Variants in UBIAD1 observed in about 807,000 individuals in gnomAD.
UBIAD1 encodes ubiA prenyltransferase domain-containing protein 1.
Under a neutral mutation model 20.1 loss-of-function variants are expected in UBIAD1, and 12 were observed. That is an observed-to-expected ratio of 0.60 (90% CI 0.38 to 0.97). The LOEUF (loss-of-function observed/expected upper bound fraction) is 0.97. Among genes scored for constraint, UBIAD1 ranks in the 50% least tolerant of loss-of-function variants. The pLI, the probability that UBIAD1 is intolerant of heterozygous loss-of-function variation, is 0.00. For missense variants in UBIAD1, 333 were observed against 419.5 expected (o/e 0.79, Z 1.80); for synonymous variants, 207 against 189.2 (o/e 1.09, Z -0.77).
downstream of UBIAD1, among the ~76,000 whole-genome samples, chr1:11,296,340 A>AC (rs1187503209): frequency 1.3e-5 from 2 of 151,774 alleles, no homozygotes; most frequent in Non-Finnish European, 2.9e-5. Flanking sequence ...TCGATCACTC[A>AC]CCCCCGGGAT....
rs1638288243 is a variant in UBIAD1, at chr1:11,287,228, A to G, written c.*1097A>G. Reference sequence around the variant, plus strand: ...TCTTGAGCTCTGTTCAGCCAGAGTGATGGGCCCTGCCAGTTAAGGGGCTGT... The same window carrying G: ...TCTTGAGCTCTGTTCAGCCAGAGTGGTGGGCCCTGCCAGTTAAGGGGCTGT... On this transcript the variant is annotated 3_prime_UTR_variant, in exon 2 of 2. Coordinates refer to ENST00000376810, the MANE Select transcript of UBIAD1 (RefSeq NM_013319.3). 1.3e-5 allele frequency: 2 copies of G among 152,280 alleles called. No individual in the cohort carries two copies. Among genetic ancestry groups the G allele is most frequent in the African/African-American group, 4.8e-5 (2 of 41,468 alleles). The allele number at this position is 152,280 out of a possible 1,614,324, so 9.4% of individuals were successfully genotyped here.
At chr1:11,280,733 C>T (rs1261897438) in intron 1 of UBIAD1, among the ~76,000 whole-genome samples, 1 of 152,120 alleles carries the variant, frequency 6.6e-6, no homozygotes, top group African/African-American at 2.4e-5. Context: ...AGGATCTGAC[C>T]ACTTCTTACC....
In UBIAD1 at chr1:11,273,978, C is replaced by G; in HGVS notation, c.447C>G (p.Leu149=). 6.2e-7 allele frequency: 1 copy of G among 1,614,222 alleles called. No individual in the cohort carries two copies. Among genetic ancestry groups the G allele is most frequent in the South Asian group, 1.1e-5 (1 of 91,086 alleles). Residue 149 remains leucine (L), a synonymous_variant, in exon 1 of 2, where the codon CTC becomes CTG. Coordinates refer to ENST00000376810, the MANE Select transcript of UBIAD1 (RefSeq NM_013319.3). This position sits in a 1 kb window ranked among gnomAD's most constrained non-coding sequence, Gnocchi z 4.9. ...YTLGCVCAAC[L]YYLSPLKLEH... ...TGGGCTGCGTCTGTGCCGCTTGCCT[C>G]TACTACCTGTCCCCTCTGAAACTGG...
intron 1 of UBIAD1, among the ~76,000 whole-genome samples, chr1:11,280,609 T>C (rs1652209956): frequency 6.6e-6 from 1 of 152,226 alleles, no homozygotes; most frequent in Non-Finnish European, 1.5e-5. Context: ...TTTTGCTCAA[T>C]GGCAGCTTCA....
chr1:11,296,037 T>A (rs927630283), downstream of UBIAD1: 3 of 152,182 alleles, frequency 2.0e-5, no homozygotes, highest in African/African-American at 4.8e-5. Context: ...CATGCCCCAT[T>A]GTTCCAGACT....
chr1:11,273,636 T>C lies in UBIAD1; in HGVS notation c.105T>C (p.Asp35=). The C allele has an allele frequency of 6.2e-7, 1 of 1,614,104 alleles. No individual in the cohort carries two copies. Among genetic ancestry groups the C allele is most frequent in the Non-Finnish European group, 8.5e-7 (1 of 1,180,034 alleles). ...TGGGGAACGACTGTCCCGAGCAAGA[T>C]AGGCTCCCCCAGCGCTCCTGGAGGC... The part of the protein sequence containing the change: ...DPLGNDCPEQ[D]RLPQRSWRQK... Residue 35 remains aspartate, a synonymous_variant, in exon 1 of 2, where the codon GAT becomes GAC. Coordinates refer to ENST00000376810, the MANE Select transcript of UBIAD1 (RefSeq NM_013319.3). The surrounding 1 kb of genome is among the most constrained non-coding windows in gnomAD (Gnocchi z 4.9).
downstream of UBIAD1, among the ~76,000 whole-genome samples, chr1:11,291,538 C>G (rs530936919): frequency 2.8e-5 from 4 of 141,244 alleles, no homozygotes; most frequent in Non-Finnish European, 4.5e-5. Context: ...ACCCGGGAGG[C>G]AGAGATTGCA....
At chr1:11,297,995 T>C (rs1287699594), downstream of UBIAD1, among the ~76,000 whole-genome samples, 1 of 152,012 alleles carries the variant, frequency 6.6e-6, no homozygotes, top group Non-Finnish European at 1.5e-5. Flanking sequence ...AGTTTTGCTC[T>C]TGTTGCCCAG....
At position 11,273,500 on chromosome 1, in the gene UBIAD1, T is replaced by A; in HGVS notation, c.-32T>A. ...GGGCGGTCACTGTGCGTGGCTCACT[T>A]TTAGAGTTTACTTCAACCACGTGGA... On this transcript the variant is annotated 5_prime_UTR_variant, in exon 1 of 2. Transcript: ENST00000376810. This position sits in a 1 kb window ranked among gnomAD's most constrained non-coding sequence, Gnocchi z 4.9. 6.2e-7 allele frequency: 1 copy of A among 1,609,982 alleles called. No homozygotes were observed. Among genetic ancestry groups the A allele is most frequent in the Non-Finnish European group, 8.5e-7 (1 of 1,179,940 alleles).
downstream of UBIAD1, among the ~76,000 whole-genome samples, chr1:11,291,826 A>T (rs1441028256): frequency 6.6e-6 from 1 of 152,018 alleles, no homozygotes; most frequent in East Asian, 1.9e-4. Flanking sequence ...ACATAAAGCC[A>T]TGTCAGCCTG....
At chr1:11,294,000 A>G (rs1239801638) in intron 1 of UBIAD1, among the ~76,000 whole-genome samples, 1 of 152,206 alleles carries the variant, frequency 6.6e-6, no homozygotes, top group African/African-American at 2.4e-5. Flanking sequence ...AGAGCTTTTA[A>G]GATCCAGCTC....
Position 11,273,983 on chromosome 1 carries a change from A to G in UBIAD1, c.452A>G (p.Tyr151Cys), listed in dbSNP as rs138443305. 2.7e-4 allele frequency: 437 copies of G among 1,614,056 alleles called. 3 individuals carry two copies. In the African/African-American group the frequency reaches 4.9e-3, roughly 18 times the overall value. The change falls in exon 1 of 2, where the codon TAC becomes TGC. Residue 151 changes from tyrosine to cysteine, a missense_variant. By Grantham distance (194) the Tyr-to-Cys change is radical. Transcript: ENST00000376810. This position sits in a 1 kb window ranked among gnomAD's most constrained non-coding sequence, Gnocchi z 4.9. ...TGCGTCTGTGCCGCTTGCCTCTACT[A>G]CCTGTCCCCTCTGAAACTGGAGCAC... ...LGCVCAACLY[Y>C]LSPLKLEHLA...
At chr1:11,280,208 C>A (rs1652195953) in intron 1 of UBIAD1, among the ~76,000 whole-genome samples, 1 of 152,048 alleles carries the variant, frequency 6.6e-6, no homozygotes, top group African/African-American at 2.4e-5. Flanking sequence ...GCTGAAGGAC[C>A]ACTAAGTGCA....
chr1:11,276,448 G>C (rs907496186), intron 1 of UBIAD1, among the ~76,000 whole-genome samples: 2 of 152,032 alleles, frequency 1.3e-5, no homozygotes, highest in African/African-American at 4.8e-5. Flanking sequence ...TGGATCACTT[G>C]AGATCAGGAG....
chr1:11,282,898 T>C (rs1051529111), intron 1 of UBIAD1, among the ~76,000 whole-genome samples: 7 of 150,418 alleles, frequency 4.7e-5, no homozygotes. Flanking sequence ...TTTGCTCTTG[T>C]TGCCCAGGCT....
Position 11,288,268 on chromosome 1 carries a change from T to G in UBIAD1, c.*2137T>G, listed in dbSNP as rs2101025196. ...CATCGGGGCTATCAGTTCTGCACTG[T>G]GCCCTGGTGCGGATTTTAATGCATA... On this transcript the variant is annotated 3_prime_UTR_variant, in exon 2 of 2. Transcript: ENST00000376810. 1 of 152,372 alleles carries G rather than the reference T, an allele frequency of 6.6e-6. No homozygotes were observed. Among genetic ancestry groups the G allele is most frequent in the South Asian group, 2.1e-4 (1 of 4,834 alleles). 9.4% of individuals were successfully genotyped at this position (152,372 alleles called of 1,614,324 possible).
chr1:11,276,123 G>C (rs1038575642), intron 1 of UBIAD1, among the ~76,000 whole-genome samples: 4 of 152,152 alleles, frequency 2.6e-5, no homozygotes, highest in Non-Finnish European at 5.9e-5. Flanking sequence ...ATCAAGGGGA[G>C]TGGGGCAAGG....
At chr1:11,297,795 T>C (rs556697947), downstream of UBIAD1, among the ~76,000 whole-genome samples, 3 of 152,226 alleles carry the variant, frequency 2.0e-5, no homozygotes, top group Admixed American at 2.0e-4. Flanking sequence ...TGGCTGTGAG[T>C]GGCCTGTCCT....
intron 1 of UBIAD1, chr1:11,294,757 A>G (rs1433484945): frequency 2.8e-6 from 2 of 715,192 alleles, no homozygotes; most frequent in South Asian, 3.0e-5. Flanking sequence ...CCATCCCCAG[A>G]TAATGGAGAG....
Sources: gnomAD v4.1 joint callset for allele counts (sites outside exome capture counted in the v4.1 genomes callset) on GRCh38, gnomAD v4.1.1 for gene constraint, Gnocchi (gnomAD v3.1) non-coding constraint, MANE v1.5 for transcripts, NCBI Gene and HGNC (gene_info 2026-07-23, HGNC 2026-07-21) for gene names.